Variants in ANKS1B observed in about 807,000 individuals in gnomAD.
ANKS1B encodes ankyrin repeat and sterile alpha motif domain-containing protein 1B.
A neutral mutation model predicts 148.3 loss-of-function variants in ANKS1B; 36 were observed. The ratio of observed to expected loss-of-function variants is 0.24; its 90% CI spans 0.19 to 0.32. ANKS1B has a LOEUF of 0.32. ANKS1B is among the 10% of genes least tolerant of loss of function. The probability of loss-of-function intolerance (pLI) is 1.00; values close to 1 mark genes in which losing one functional copy is unlikely to be tolerated. For missense variants in ANKS1B, 1,157 were observed against 1,542.6 expected, an observed-to-expected ratio of 0.75 and a Z score of 4.19; for synonymous variants, 542 against 560.8, an observed-to-expected ratio of 0.97 and a Z score of 0.47.
intron 1 of ANKS1B, among the ~76,000 whole-genome samples, chr12:99,855,961 T>C (rs1219963184): frequency 1.3e-5 from 2 of 151,812 alleles, no homozygotes; most frequent in Non-Finnish European, 2.9e-5. Flanking sequence ...TCAAAAAGTC[T>C]AAAGGAGCAC....
At chr12:99,228,729 TTAAAAA>T (rs745347538) in intron 14 of ANKS1B, among the ~76,000 whole-genome samples, 2 of 151,940 alleles carry the variant, frequency 1.3e-5, no homozygotes, top group African/African-American at 2.4e-5. Context: ...CAGGGGTTTA[TTAAAAA>T]TAAAAATAAA....
intron 10 of ANKS1B, among the ~76,000 whole-genome samples, chr12:99,445,653 T>C (rs1282728616): frequency 6.6e-6 from 1 of 152,000 alleles, no homozygotes; most frequent in Admixed American, 6.6e-5. Context: ...GTCTAAGAAG[T>C]TCTAAAAATA....
chr12:99,371,299 A>C (rs183327044), intron 12 of ANKS1B, among the ~76,000 whole-genome samples: 312 of 152,202 alleles, frequency 2.0e-3, no homozygotes, highest in African/African-American at 6.7e-3. Context: ...GTCTCTACAC[A>C]TGCCGCACCA....
At chr12:99,732,122 T>A (rs1040462443) in intron 8 of ANKS1B, among the ~76,000 whole-genome samples, 1 of 152,196 alleles carries the variant, frequency 6.6e-6, no homozygotes, top group African/African-American at 2.4e-5. Flanking sequence ...TATTTACCTA[T>A]TAAAATGGCT....
At chr12:99,728,403 T>A (rs144714660) in intron 8 of ANKS1B, among the ~76,000 whole-genome samples, 1 of 152,138 alleles carries the variant, frequency 6.6e-6, no homozygotes, top group African/African-American at 2.4e-5. Context: ...ATTAGAGAAA[T>A]GCAAATCGAA....
At chr12:99,570,710 G>A (rs1328340165) in intron 9 of ANKS1B, among the ~76,000 whole-genome samples, 1 of 151,032 alleles carries the variant, frequency 6.6e-6, no homozygotes, top group African/African-American at 2.4e-5. Flanking sequence ...TGATGAAGCT[G>A]GGTGACTGGT....
rs183096769 is a variant in ANKS1B at position 99,309,293 on chromosome 12, T to C, written c.1757-62429A>G. On this transcript the variant is annotated intron_variant, in intron 12 of 26. Coordinates refer to ENST00000683438, the MANE Select transcript of ANKS1B (RefSeq NM_001352186.2). ...TTCCATTTATTGTTTGCTAATTTGG[T>C]TTATTTTTCAATTTTATGAGTGTGG... Among the ~76,000 whole-genome samples the C allele has an allele frequency of 3.2e-3, 480 of 152,178 alleles. 1 individual carries two copies. Among genetic ancestry groups the C allele is most frequent in the South Asian group, 0.012 (56 of 4,832 alleles).
chr12:99,875,063 A>G (rs1442170755), intron 1 of ANKS1B, among the ~76,000 whole-genome samples: 1 of 152,156 alleles, frequency 6.6e-6, no homozygotes, highest in Non-Finnish European at 1.5e-5. Context: ...GGAGAGAGGC[A>G]GATGGAAGAA....
chr12:99,648,327 C>A (rs2098392262), intron 9 of ANKS1B: 1 of 1,614,148 alleles, frequency 6.2e-7, no homozygotes, highest in Middle Eastern at 1.6e-4. Flanking sequence ...GCGACTTTAT[C>A]CAGATCAGCA....
At chr12:99,282,285 CAAG>C in intron 12 of ANKS1B, among the ~76,000 whole-genome samples, 1 of 152,230 alleles carries the variant, frequency 6.6e-6, no homozygotes, top group Non-Finnish European at 1.5e-5. Context: ...TTGGTATGTT[CAAG>C]AATAGCAATG....
chr12:99,520,966 T>C (rs2096869717), intron 9 of ANKS1B, among the ~76,000 whole-genome samples: 1 of 152,112 alleles, frequency 6.6e-6, no homozygotes, highest in South Asian at 2.1e-4. Context: ...CAGCTAATTT[T>C]GTATTTTTAG....
At chr12:99,286,881 T>C (rs1001739218) in intron 12 of ANKS1B, among the ~76,000 whole-genome samples, 2 of 152,054 alleles carry the variant, frequency 1.3e-5, no homozygotes, top group Non-Finnish European at 2.9e-5. Context: ...TCAGCCACAG[T>C]AGAATAGAGT....
At chr12:99,355,247 G>A (rs1247983783) in intron 12 of ANKS1B, among the ~76,000 whole-genome samples, 2 of 152,042 alleles carry the variant, frequency 1.3e-5, no homozygotes, top group African/African-American at 4.8e-5. Context: ...AGGTGACTGT[G>A]CTTCAGGTTT....
chr12:99,557,713 G>A (rs920875820), intron 9 of ANKS1B, among the ~76,000 whole-genome samples: 1 of 152,172 alleles, frequency 6.6e-6, no homozygotes, highest in Admixed American at 6.5e-5. Context: ...GAACTAGTGT[G>A]GTCATTCTGA....
At position 99,250,925 on chromosome 12, in the gene ANKS1B, A is replaced by C. The variant is rs35800973; in HGVS notation, c.1757-4061T>G. 5.4e-3 allele frequency among the ~76,000 whole-genome samples: 820 copies of C among 152,280 alleles called. 6 individuals carry two copies. Among genetic ancestry groups the C allele is most frequent in the Admixed American group, 0.011 (175 of 15,264 alleles). ...CAAACAACAGATATTTATTTCTCAC[A>C]GGCCTAGAGGCTGAGTAGTCCAAGA... On this transcript the variant is annotated intron_variant, in intron 12 of 26. Coordinates refer to ENST00000683438, the MANE Select transcript of ANKS1B (RefSeq NM_001352186.2).
At chr12:99,295,679 G>C (rs2080769260) in intron 12 of ANKS1B, among the ~76,000 whole-genome samples, 1 of 152,132 alleles carries the variant, frequency 6.6e-6, no homozygotes, top group Non-Finnish European at 1.5e-5. Context: ...CGTCATGGGG[G>C]TTTGTTGTAC....
intron 25 of ANKS1B, among the ~76,000 whole-genome samples, chr12:98,768,658 C>T (rs1035971885): frequency 1.7e-4 from 25 of 149,094 alleles, no homozygotes; most frequent in Admixed American, 2.0e-4. Context: ...GGCGTGAACC[C>T]GGGAGGCGGA....
chr12:99,088,125 G>A (rs2052599227), intron 15 of ANKS1B, among the ~76,000 whole-genome samples: 1 of 152,166 alleles, frequency 6.6e-6, no homozygotes, highest in Non-Finnish European at 1.5e-5. Flanking sequence ...AGGGGAAATG[G>A]CACTAATTGG....
chr12:99,006,232 A>C (rs1484879298), intron 17 of ANKS1B, among the ~76,000 whole-genome samples: 1 of 152,222 alleles, frequency 6.6e-6, no homozygotes, highest in Non-Finnish European at 1.5e-5. Flanking sequence ...GGCTATGCCG[A>C]GTGAAGACTT....
Sources: gnomAD v4.1 joint callset for allele counts (sites outside exome capture counted in the v4.1 genomes callset) on GRCh38, gnomAD v4.1.1 for gene constraint, MANE v1.5 for transcripts, NCBI Gene and HGNC (gene_info 2026-07-23, HGNC 2026-07-21) for gene names.